Variants in DSCAM observed in about 807,000 individuals in gnomAD.
The protein encoded by DSCAM is cell adhesion molecule DSCAM.
Under a neutral mutation model 217.7 loss-of-function variants are expected in DSCAM, and 47 were observed. That is an observed-to-expected ratio of 0.22 (90% CI 0.17 to 0.28). The LOEUF is 0.28. DSCAM is among the 10% of genes least tolerant of loss of function. The pLI, the probability that DSCAM is intolerant of heterozygous loss-of-function variation, is 1.00. For missense variants in DSCAM, 2,080 were observed against 2,618.3 expected, an observed-to-expected ratio of 0.79 and a Z score of 4.49; for synonymous variants, 1,056 against 1,015.3, an observed-to-expected ratio of 1.04 and a Z score of -0.76.
intron 12 of DSCAM, 93 bp downstream of exon 12, chr21:40,188,949 A>G (rs2090925362): frequency 1.6e-6 from 2 of 1,262,468 alleles, no homozygotes; most frequent in Non-Finnish European, 2.3e-6. Context: ...CCGAAAGATT[A>G]TCTGCTACTT....
intron 15 of DSCAM, among the ~76,000 whole-genome samples, chr21:40,169,869 C>T (rs916300640): frequency 2.0e-5 from 3 of 152,072 alleles, no homozygotes; most frequent in African/African-American, 7.2e-5. Flanking sequence ...GCTTTCTCCA[C>T]CATCGTCCTT....
intron 3 of DSCAM, among the ~76,000 whole-genome samples, chr21:40,517,826 T>C (rs2146078571): frequency 6.6e-6 from 1 of 152,282 alleles, no homozygotes; most frequent in South Asian, 2.1e-4. Flanking sequence ...GTGACAGTGC[T>C]GTGTCCCTGG....
At chr21:40,196,718 T>C (rs931433903) in intron 11 of DSCAM, among the ~76,000 whole-genome samples, 13 of 152,260 alleles carry the variant, frequency 8.5e-5, no homozygotes, top group African/African-American at 3.1e-4. Flanking sequence ...CCTGCTTTTT[T>C]CTGTTTTCTC....
chr21:40,617,375 C>T lies in DSCAM; in HGVS notation c.508+75435G>A, dbSNP rs376193160. ...TCCTGACCTCGTGATCCACCCGCCTCGGCCTCCCGAAGTGCTGGGATTACA... is the reference window on the plus strand; with the variant it reads ...TCCTGACCTCGTGATCCACCCGCCTTGGCCTCCCGAAGTGCTGGGATTACA... On this transcript the variant is annotated intron_variant, in intron 3 of 32. Coordinates refer to ENST00000400454, the MANE Select transcript of DSCAM (RefSeq NM_001389.5). Among the ~76,000 whole-genome samples the T allele has an allele frequency of 6.1e-3, 923 of 152,182 alleles. 10 individuals are homozygous for T. Among genetic ancestry groups the T allele is most frequent in the African/African-American group, 0.019 (791 of 41,562 alleles).
Position 40,686,370 on chromosome 21 carries a change from T to C in DSCAM, c.508+6440A>G, listed in dbSNP as rs1046359850. 3.0e-4 allele frequency among the ~76,000 whole-genome samples: 45 copies of C among 148,122 alleles called. 2 individuals are homozygous for C. The highest frequency in any genetic ancestry group is 3.5e-3 in the Middle Eastern group (1 of 286). On this transcript the variant is annotated intron_variant, in intron 3 of 32. Transcript: ENST00000400454. Reference sequence around the variant, plus strand: ...CATGCCACACACACACCACACACACTACACACACATACAAACACACATCAT... The same window carrying C: ...CATGCCACACACACACCACACACACCACACACACATACAAACACACATCAT...
At chr21:40,214,273 G>T (rs1714841279) in intron 11 of DSCAM, among the ~76,000 whole-genome samples, 1 of 152,176 alleles carries the variant, frequency 6.6e-6, no homozygotes. Flanking sequence ...GGGAGCCTGT[G>T]TTCTAAGACA....
chr21:40,591,042 A>ATC (rs2076980477), intron 3 of DSCAM, among the ~76,000 whole-genome samples: 1 of 152,180 alleles, frequency 6.6e-6, no homozygotes, highest in South Asian at 2.1e-4. Context: ...AGATAATGGA[A>ATC]TCATGGGGGC....
chr21:40,737,261 T>C (rs1481390581), intron 1 of DSCAM, among the ~76,000 whole-genome samples: 2 of 152,154 alleles, frequency 1.3e-5, no homozygotes, highest in Non-Finnish European at 2.9e-5. Context: ...ATCACAAGTG[T>C]ATATATATAA....
intron 3 of DSCAM, among the ~76,000 whole-genome samples, chr21:40,516,515 G>C (rs1390237141): frequency 6.6e-6 from 1 of 152,142 alleles, no homozygotes; most frequent in Non-Finnish European, 1.5e-5. Flanking sequence ...GGGGCTGTGA[G>C]GAACGGTGGC....
intron 3 of DSCAM, among the ~76,000 whole-genome samples, chr21:40,683,159 G>C (rs1444644778): frequency 6.6e-6 from 1 of 152,178 alleles, no homozygotes; most frequent in Non-Finnish European, 1.5e-5. Flanking sequence ...GCCACCCAGT[G>C]TGTGATATTT....
intron 3 of DSCAM, among the ~76,000 whole-genome samples, chr21:40,412,039 C>A (rs558957959): frequency 1.3e-5 from 2 of 152,088 alleles, no homozygotes; most frequent in Non-Finnish European, 2.9e-5. Flanking sequence ...AGGGGAAACC[C>A]GTTTCATTTG....
rs149424127 is a variant in DSCAM, at chr21:40,522,765, A to C, written c.509-153520T>G. On this transcript the variant is annotated intron_variant, in intron 3 of 32. Coordinates refer to ENST00000400454, the MANE Select transcript of DSCAM (RefSeq NM_001389.5). ...AGAGTTTTCGAGATTCAGATGCCAA[A>C]TCTTCCTGTTTCCATTCGCAACTCC... Among the ~76,000 whole-genome samples the C allele has an allele frequency of 1.9e-3, 293 of 152,302 alleles. 1 individual carries two copies. Among genetic ancestry groups the C allele is most frequent in the Middle Eastern group, 6.8e-3 (2 of 294 alleles).
At position 40,013,070 on chromosome 21, in the gene DSCAM, T is replaced by C. The variant is rs372768685; in HGVS notation, c.6003A>G (p.Gly2001=). 24 of 1,555,776 alleles carry C rather than the reference T, an allele frequency of 1.5e-5. No homozygotes were observed. The African/African-American group carries it at 3.1e-4, about 20-fold the overall frequency. Residue 2001 remains glycine (G), a synonymous_variant, in exon 33 of 33, where the codon GGA becomes GGG. Coordinates refer to ENST00000400454, the MANE Select transcript of DSCAM (RefSeq NM_001389.5). The part of the protein sequence containing the change: ...SLLDSRGHLK[G]NNPYAKSYTL... ...TGTAAGATTTTGCGTAAGGATTGTT[T>C]CCTTTCAAATGGCCCCGGGAGTCGA...
chr21:40,632,353 T>C (rs1019082644), intron 3 of DSCAM, among the ~76,000 whole-genome samples: 3 of 89,988 alleles, frequency 3.3e-5, no homozygotes, highest in African/African-American at 1.3e-4. Flanking sequence ...TAAAAGGAAA[T>C]TGGGTGGGGG....
Position 40,753,780 on chromosome 21 carries a change from A to G in DSCAM, c.44-45009T>C, listed in dbSNP as rs2091250424. Among the ~76,000 whole-genome samples, 2 of 152,232 alleles carry G rather than the reference A, an allele frequency of 1.3e-5. 1 individual carries two copies. The highest frequency in any genetic ancestry group is 4.1e-4 in the South Asian group (2 of 4,830). ...CCTAATAGACATACAAAGGACAATTAGAAGAGTCGAGAAGTAAAAAGCAAA... is the reference window on the plus strand; with the variant it reads ...CCTAATAGACATACAAAGGACAATTGGAAGAGTCGAGAAGTAAAAAGCAAA... On this transcript the variant is annotated intron_variant, in intron 1 of 32. Transcript: ENST00000400454.
chr21:40,511,632 C>A (rs894162606), intron 3 of DSCAM, among the ~76,000 whole-genome samples: 1 of 152,082 alleles, frequency 6.6e-6, no homozygotes, highest in Admixed American at 6.6e-5. Flanking sequence ...TACAACCCTG[C>A]ACTTCCAGTA....
intron 3 of DSCAM, among the ~76,000 whole-genome samples, chr21:40,456,456 T>C (rs2075764237): frequency 6.6e-6 from 1 of 152,086 alleles, no homozygotes; most frequent in African/African-American, 2.4e-5. Context: ...ATTATATGAT[T>C]ACAGGTCACA....
rs73902613 is a variant in DSCAM, at chr21:40,419,957, A to G, written c.509-50712T>C. Reference sequence around the variant, plus strand: ...TGGATAAGTATATATAAAATTTAAGAGTAATCATTAGAACAAATACTGAAG... The same window carrying G: ...TGGATAAGTATATATAAAATTTAAGGGTAATCATTAGAACAAATACTGAAG... On this transcript the variant is annotated intron_variant, in intron 3 of 32. Coordinates refer to ENST00000400454, the MANE Select transcript of DSCAM (RefSeq NM_001389.5). Among the ~76,000 whole-genome samples, 1,137 of 152,288 alleles carry G rather than the reference A, an allele frequency of 7.5e-3. 17 individuals carry two copies. The highest frequency in any genetic ancestry group is 0.025 in the African/African-American group (1,054 of 41,572).
chr21:40,244,230 C>T (rs2146947817), intron 11 of DSCAM, among the ~76,000 whole-genome samples: 1 of 152,294 alleles, frequency 6.6e-6, no homozygotes, highest in African/African-American at 2.4e-5. Context: ...GCGGGTGGAT[C>T]ACTTGAGGTC....
Sources: gnomAD v4.1 joint callset for allele counts (sites outside exome capture counted in the v4.1 genomes callset) on GRCh38, gnomAD v4.1.1 for gene constraint, MANE v1.5 for transcripts, NCBI Gene and HGNC (gene_info 2026-07-23, HGNC 2026-07-21) for gene names.